Variants in PDE1C observed in about 807,000 individuals in gnomAD.
The protein encoded by PDE1C is dual specificity calcium/calmodulin-dependent 3',5'-cyclic nucleotide phosphodiesterase 1C.
A neutral mutation model predicts 93.1 loss-of-function variants in PDE1C; 62 were observed. That is an observed-to-expected ratio of 0.67 (90% CI 0.54 to 0.82). PDE1C has a LOEUF of 0.82. Ranked by LOEUF, PDE1C falls within the 40% of genes least tolerant of loss-of-function variation. PDE1C has a pLI of 0.00. For synonymous variants in PDE1C, 325 were observed against 310.1 expected, an observed-to-expected ratio of 1.05 and a Z score of -0.50; for missense variants, 742 against 884.6, an observed-to-expected ratio of 0.84 and a Z score of 2.04.
Position 31,825,464 on chromosome 7 carries a change from T to TTGGGAAGGCAGGTTATCGACAGCTC in PDE1C, c.1286-502_1286-478dup, listed in dbSNP as rs570808546. ...TCTTTTGGATTTGGGGAAGGAAAGC[T>TTGGGAAGGCAGGTTATCGACAGCTC]TGGGAAGGCAGGTTATCGACAGCTC... On this transcript the variant is annotated intron_variant, in intron 12 of 17. Coordinates refer to ENST00000396191, the MANE Select transcript of PDE1C (RefSeq NM_001191057.4). Among the ~76,000 whole-genome samples the TTGGGAAGGCAGGTTATCGACAGCTC allele has an allele frequency of 3.7e-4, 57 of 152,182 alleles. No homozygotes were observed. The East Asian group carries it at 0.01, about 27-fold the overall frequency.
intron 2 of PDE1C, among the ~76,000 whole-genome samples, chr7:32,181,622 C>T (rs1428642408): frequency 3.3e-5 from 5 of 151,786 alleles, no homozygotes; most frequent in Non-Finnish European, 5.9e-5. Context: ...ACACAACATA[C>T]CAGAATCTCT....
chr7:31,677,827 AAAG>A, the PDE1C span, among the ~76,000 whole-genome samples: 1 of 152,138 alleles, frequency 6.6e-6, no homozygotes, highest in Non-Finnish European at 1.5e-5. Flanking sequence ...CATGAAGTGA[AAAG>A]AAGGAGGTAG....
intron 2 of PDE1C, among the ~76,000 whole-genome samples, chr7:32,201,831 T>C (rs926962626): frequency 6.6e-6 from 1 of 152,230 alleles, no homozygotes; most frequent in African/African-American, 2.4e-5. Context: ...ATATTGTGGC[T>C]CTCTCTTGTT....
chr7:31,681,302 C>G, the PDE1C span, among the ~76,000 whole-genome samples: 1 of 152,120 alleles, frequency 6.6e-6, no homozygotes, highest in Non-Finnish European at 1.5e-5. Context: ...CATTTTATCT[C>G]AGTACCTAAC....
intron 1 of PDE1C, among the ~76,000 whole-genome samples, chr7:32,401,313 C>A (rs535974621): frequency 1.2e-4 from 18 of 152,150 alleles, no homozygotes; most frequent in African/African-American, 4.1e-4. Flanking sequence ...CCGAGGCGGG[C>A]AGATCATGAG....
the PDE1C span, among the ~76,000 whole-genome samples, chr7:31,662,921 A>G: frequency 3.3e-5 from 5 of 152,150 alleles, no homozygotes; most frequent in African/African-American, 1.2e-4. Flanking sequence ...GCTGTTCTCT[A>G]ATTTAAAAGT....
At chr7:32,353,620 C>T (rs1783974907) in intron 1 of PDE1C, among the ~76,000 whole-genome samples, 1 of 147,522 alleles carries the variant, frequency 6.8e-6, no homozygotes, top group African/African-American at 2.5e-5. Context: ...TGGCATTTGA[C>T]CAACATATTT....
intron 1 of PDE1C, among the ~76,000 whole-genome samples, chr7:32,307,020 T>C (rs1295053703): frequency 1.3e-5 from 2 of 152,228 alleles, no homozygotes; most frequent in East Asian, 1.9e-4. Flanking sequence ...CTATCAACTC[T>C]TCTCACCTCT....
At chr7:32,023,726 A>T (rs1298795437) in intron 2 of PDE1C, among the ~76,000 whole-genome samples, 1 of 152,142 alleles carries the variant, frequency 6.6e-6, no homozygotes, top group Non-Finnish European at 1.5e-5. Flanking sequence ...TATAGAGATA[A>T]AGAACAGAGT....
At chr7:31,898,642 A>C (rs1365954478) in intron 2 of PDE1C, among the ~76,000 whole-genome samples, 2 of 152,190 alleles carry the variant, frequency 1.3e-5, no homozygotes, top group Non-Finnish European at 2.9e-5. Flanking sequence ...ATTAAGACAA[A>C]ATTCAGAAGT....
At chr7:32,422,210 G>T (rs906008299) in intron 1 of PDE1C, among the ~76,000 whole-genome samples, 10 of 152,172 alleles carry the variant, frequency 6.6e-5, no homozygotes, top group East Asian at 1.9e-4. Context: ...TCAGCGCAGG[G>T]ACACACGTTG....
intron 1 of PDE1C, among the ~76,000 whole-genome samples, chr7:32,405,533 C>T (rs1239382275): frequency 1.3e-5 from 2 of 152,162 alleles, no homozygotes; most frequent in Non-Finnish European, 2.9e-5. Flanking sequence ...AGGTGTGAGC[C>T]ACCGTGCCCG....
At chr7:31,854,611 C>T (rs1583619725) in intron 7 of PDE1C, among the ~76,000 whole-genome samples, 1 of 152,166 alleles carries the variant, frequency 6.6e-6, no homozygotes, top group African/African-American at 2.4e-5. Flanking sequence ...TGGGGTACAA[C>T]AGAGCAGAGG....
intron 2 of PDE1C, chr7:31,941,655 T>TTAGC (rs1377530878): frequency 6.6e-6 from 1 of 152,490 alleles, no homozygotes; most frequent in African/African-American, 2.4e-5. Flanking sequence ...CCACTTCCCG[T>TTAGC]TATTCCTAAT....
At chr7:31,706,584 A>G in the PDE1C span, among the ~76,000 whole-genome samples, 4 of 152,302 alleles carry the variant, frequency 2.6e-5, no homozygotes, top group South Asian at 4.1e-4. Flanking sequence ...CAGTACTGAC[A>G]TTGAGAAATG....
intron 1 of PDE1C, among the ~76,000 whole-genome samples, chr7:32,285,043 A>G (rs1233024808): frequency 2.6e-5 from 4 of 151,700 alleles, no homozygotes; most frequent in Non-Finnish European, 5.9e-5. Flanking sequence ...AAAAAAAAAA[A>G]GAAAAAAGAA....
intron 1 of PDE1C, among the ~76,000 whole-genome samples, chr7:32,286,489 G>A (rs1812009840): frequency 6.6e-6 from 1 of 152,234 alleles, no homozygotes; most frequent in Admixed American, 6.5e-5. Context: ...ATGGTGTGTG[G>A]AAGGGGTGTG....
intron 9 of PDE1C, among the ~76,000 whole-genome samples, chr7:31,841,227 C>CTCTCTCTCTATATATATA (rs751320538): frequency 4.2e-5 from 6 of 142,262 alleles, no homozygotes; most frequent in African/African-American, 7.9e-5. Context: ...CTCTCTCTCT[C>CTCTCTCTCTATATATATA]TATATATATA....
At chr7:31,770,024 G>A (rs1296142944) in intron 17 of PDE1C, among the ~76,000 whole-genome samples, 1 of 152,122 alleles carries the variant, frequency 6.6e-6, no homozygotes, top group Non-Finnish European at 1.5e-5. Context: ...ATTCCCACCA[G>A]CAACATGTGA....
Sources: allele counts gnomAD v4.1 joint callset (sites outside exome capture counted in the v4.1 genomes callset), GRCh38; gene constraint gnomAD v4.1.1; transcripts MANE v1.5; gene names NCBI Gene and HGNC (gene_info 2026-07-23, HGNC 2026-07-21).